RD3: variants seen among roughly 807,000 people sequenced by gnomAD.
RD3 encodes RD3 regulator of GUCY2D.
In RD3, 11 loss-of-function variants were observed where a neutral mutation model predicts 16.9. The ratio of observed to expected loss-of-function variants is 0.65; its 90% CI spans 0.41 to 1.08. The LOEUF (loss-of-function observed/expected upper bound fraction) is 1.08. Among genes scored for constraint, RD3 ranks in the 50% least tolerant of loss-of-function variants. RD3 has a pLI of 0.00. For missense variants in RD3, 274 were observed against 267.4 expected, an observed-to-expected ratio of 1.02 and a Z score of -0.17; for synonymous variants, 116 against 114.8, an observed-to-expected ratio of 1.01 and a Z score of -0.07.
intron 1 of RD3, among the ~76,000 whole-genome samples, chr1:211,487,216 A>G (rs1376598557): frequency 6.6e-6 from 1 of 152,186 alleles, no homozygotes; most frequent in Non-Finnish European, 1.5e-5. Flanking sequence ...CTCTCCCAGG[A>G]TAATGTACAA....
At chr1:211,482,040 T>A (rs1237944253) in intron 1 of RD3, among the ~76,000 whole-genome samples, 1 of 152,116 alleles carries the variant, frequency 6.6e-6, no homozygotes, top group African/African-American at 2.4e-5. Flanking sequence ...CTGACCAACA[T>A]GGAGAAACCC....
At chr1:211,489,962 T>C (rs1378879339) in intron 1 of RD3, among the ~76,000 whole-genome samples, 1 of 152,220 alleles carries the variant, frequency 6.6e-6, no homozygotes, top group African/African-American at 2.4e-5. Context: ...TCCTCTTTCC[T>C]TTCTCCTTCA....
intron 1 of RD3, among the ~76,000 whole-genome samples, chr1:211,483,339 G>A (rs1370119274): frequency 6.7e-6 from 1 of 149,620 alleles, no homozygotes; most frequent in African/African-American, 2.6e-5. Context: ...GCACATGCCT[G>A]TAGTCCCAGC....
chr1:211,483,728 G>A (rs1705322094), intron 1 of RD3, among the ~76,000 whole-genome samples: 1 of 152,300 alleles, frequency 6.6e-6, no homozygotes, highest in African/African-American at 2.4e-5. Flanking sequence ...AGAGAGCCAT[G>A]AGCATCAGGA....
chr1:211,478,047 G>A lies in RD3; in HGVS notation c.*989C>T. 2.5e-6 allele frequency: 1 copy of A among 398,652 alleles called. No homozygotes were observed. Among genetic ancestry groups the A allele is most frequent in the Non-Finnish European group, 4.4e-6 (1 of 226,088 alleles). The allele number at this position is 398,652 out of a possible 1,614,324, so 24.7% of individuals were successfully genotyped here. A position where few individuals can be genotyped will look rare whatever the true frequency, so the allele number is the denominator to read the frequency against. On this transcript the variant is annotated 3_prime_UTR_variant, in exon 3 of 3. Coordinates refer to ENST00000680073, the MANE Select transcript of RD3 (RefSeq NM_001164688.2). ...CTGCCTCAAGGTCAGTCAGGGGTTT[G>A]GGCATCACTTTCTGGAGAAAGCCAG...
At chr1:211,480,651 TACACACAC>T (rs3041254) in intron 2 of RD3, among the ~76,000 whole-genome samples, 2,036 of 149,074 alleles carry the variant, frequency 0.014, 48 homozygotes, top group African/African-American at 0.046. Flanking sequence ...GAACCCTTCC[TACACACAC>T]ACACACACAC....
At position 211,482,211 on chromosome 1, in the gene RD3, A is replaced by G. The variant is rs571772774; in HGVS notation, c.-11-785T>C. On this transcript the variant is annotated intron_variant, in intron 1 of 2. Transcript: ENST00000680073. ...CACTCCAGCCTGGGCAAAAAGAGCA[A>G]AACTCCGTTTAAAAAAAAAACTGTA... Among the ~76,000 whole-genome samples the G allele has an allele frequency of 6.9e-5, 10 of 144,516 alleles. No homozygotes were observed. In the South Asian group the frequency reaches 2.2e-3, roughly 32 times the overall value. 94.8% of individuals were successfully genotyped at this position (144,516 alleles called of 152,430 possible).
In RD3 at chr1:211,477,050, T is replaced by C. The variant is rs1317819116; in HGVS notation, c.*1986A>G. ...ACTTCTGCTTGTTCCAAAACTCTTT[T>C]ACGCCAGTTGTTCTTATTGTTATGA... On this transcript the variant is annotated 3_prime_UTR_variant, in exon 3 of 3. Transcript: ENST00000680073. The C allele has an allele frequency of 2.0e-5, 3 of 152,082 alleles. No individual in the cohort carries two copies. The highest frequency in any genetic ancestry group is 4.8e-5 in the African/African-American group (2 of 41,396). 9.4% of individuals were successfully genotyped at this position (152,082 alleles called of 1,614,324 possible). A position where few individuals can be genotyped will look rare whatever the true frequency, so the allele number is the denominator to read the frequency against.
chr1:211,478,234 C>A lies in RD3; in HGVS notation c.*802G>T. 2.5e-6 allele frequency: 1 copy of A among 398,578 alleles called. No homozygotes were observed. Among genetic ancestry groups the A allele is most frequent in the East Asian group, 3.6e-5 (1 of 28,074 alleles). 24.7% of individuals were successfully genotyped at this position (398,578 alleles called of 1,614,324 possible). On this transcript the variant is annotated 3_prime_UTR_variant, in exon 3 of 3. Coordinates refer to ENST00000680073, the MANE Select transcript of RD3 (RefSeq NM_001164688.2). Reference sequence around the variant, plus strand: ...ATTGTGGCGTGGGGTAATGAGTAACCTACCTCCACCCCTAGCTACACTTCT... The same window carrying A: ...ATTGTGGCGTGGGGTAATGAGTAACATACCTCCACCCCTAGCTACACTTCT...
rs989717139 is a variant in RD3 at position 211,476,864 on chromosome 1, T to C, written c.*2172A>G. 1 of 152,266 alleles carries C rather than the reference T, an allele frequency of 6.6e-6. No homozygotes were observed. 9.4% of individuals were successfully genotyped at this position (152,266 alleles called of 1,614,324 possible). A position where few individuals can be genotyped will look rare whatever the true frequency, so the allele number is the denominator to read the frequency against. ...AAGGAGAAAAATAGACATTCTCTTATCCAGCCTCCTTTGAATCTCCCTCCA... is the reference window on the plus strand; with the variant it reads ...AAGGAGAAAAATAGACATTCTCTTACCCAGCCTCCTTTGAATCTCCCTCCA... On this transcript the variant is annotated 3_prime_UTR_variant, in exon 3 of 3. Coordinates refer to ENST00000680073, the MANE Select transcript of RD3 (RefSeq NM_001164688.2).
At chr1:211,491,016 T>C (rs1281514924) in intron 1 of RD3, among the ~76,000 whole-genome samples, 2 of 152,236 alleles carry the variant, frequency 1.3e-5, no homozygotes, top group African/African-American at 4.8e-5. Context: ...GGTTCCTGAA[T>C]GAATGAGTGA....
chr1:211,481,182 C>T lies in RD3; in HGVS notation c.234G>A (p.Arg78=). 1 of 1,614,270 alleles carries T rather than the reference C, an allele frequency of 6.2e-7. No individual in the cohort carries two copies. Among genetic ancestry groups the T allele is most frequent in the Non-Finnish European group, 8.5e-7 (1 of 1,180,046 alleles). ...RSTYDLSPIE[R]LQLEDVCVKI... is the part of the protein sequence containing the mutation. ...TAACGCAGACATCTTCCAGCTGCAA[C>T]CGCTCAATGGGGCTGAGGTCATAGG... Residue 78 remains arginine (R), a synonymous_variant, in exon 2 of 3, where the codon CGG becomes CGA. Coordinates refer to ENST00000680073, the MANE Select transcript of RD3 (RefSeq NM_001164688.2).
intron 1 of RD3, among the ~76,000 whole-genome samples, chr1:211,482,218 G>A (rs192079054): frequency 1.5e-4 from 21 of 141,630 alleles, no homozygotes; most frequent in South Asian, 2.3e-4. Context: ...GCAAAACTCC[G>A]TTTAAAAAAA....
At chr1:211,482,074 T>C (rs1268113270) in intron 1 of RD3, among the ~76,000 whole-genome samples, 4 of 151,856 alleles carry the variant, frequency 2.6e-5, no homozygotes, top group African/African-American at 9.7e-5. Context: ...AATACAAAAT[T>C]AGCCAGATGT....
intron 1 of RD3, among the ~76,000 whole-genome samples, chr1:211,486,229 G>T (rs1247341329): frequency 6.6e-6 from 1 of 151,822 alleles, no homozygotes; most frequent in Admixed American, 6.6e-5. Context: ...AAAAGGCTGG[G>T]TGTGGTGGCT....
At position 211,480,895 on chromosome 1, in the gene RD3, A is replaced by C. The variant is rs1572141357; in HGVS notation, c.296+225T>G. Among the ~76,000 whole-genome samples the C allele has an allele frequency of 2.0e-5, 3 of 152,136 alleles. 1 individual carries two copies. The South Asian group carries it at 6.2e-4, about 32-fold the overall frequency. On this transcript the variant is annotated intron_variant, in intron 2 of 2. Transcript: ENST00000680073. Reference sequence around the variant, plus strand: ...AAGTATTGTGTTCTCTTGAATCAAAACTCACGCGCCTCCAGGAGCTGCCTC... The same window carrying C: ...AAGTATTGTGTTCTCTTGAATCAAACCTCACGCGCCTCCAGGAGCTGCCTC...
Position 211,478,416 on chromosome 1 carries a change from G to A in RD3, c.*620C>T, listed in dbSNP as rs780639083. On this transcript the variant is annotated 3_prime_UTR_variant, in exon 3 of 3. Coordinates refer to ENST00000680073, the MANE Select transcript of RD3 (RefSeq NM_001164688.2). ...ATGCAGGAACAATCTCACTGTTCAT[G>A]AGGAGCTGGCTGCAGTTAAAGGCAG... 14 of 376,894 alleles carry A rather than the reference G, an allele frequency of 3.7e-5. No individual in the cohort carries two copies. The South Asian group carries it at 1.3e-3, about 36-fold the overall frequency. 23.3% of individuals were successfully genotyped at this position (376,894 alleles called of 1,614,324 possible).
At position 211,478,822 on chromosome 1, in the gene RD3, C is replaced by T. The variant is rs1705201291; in HGVS notation, c.*214G>A. On this transcript the variant is annotated 3_prime_UTR_variant, in exon 3 of 3. Coordinates refer to ENST00000680073, the MANE Select transcript of RD3 (RefSeq NM_001164688.2). ...AGACTAGCGCAGGAGAGGGAGAGGG[C>T]GGTGCCGCTCTACGACCTAACTCAG... 2 of 575,634 alleles carry T rather than the reference C, an allele frequency of 3.5e-6. No homozygotes were observed. The highest frequency in any genetic ancestry group is 3.8e-5 in the African/African-American group (2 of 53,222). The allele number at this position is 575,634 out of a possible 1,614,324, so 35.7% of individuals were successfully genotyped here. A position where few individuals can be genotyped will look rare whatever the true frequency, so the allele number is the denominator to read the frequency against.
rs1705250289 is a variant in RD3, at chr1:211,481,222, C to G, written c.194G>C (p.Ser65Thr). The change falls in exon 2 of 3, where the codon AGC (serine) becomes ACC (threonine). Residue 65 changes from serine (S) to threonine (T), a missense_variant. Transcript: ENST00000680073. The part of the protein sequence containing the change: ...CTGVDYSWLA[S>T]TPRSTYDLSP... ...GAGGTCATAGGTGGACCGGGGTGTGCTGGCCAGCCAGCTGTAGTCCACACC... is the reference window on the plus strand; with the variant it reads ...GAGGTCATAGGTGGACCGGGGTGTGGTGGCCAGCCAGCTGTAGTCCACACC... 1 of 1,614,164 alleles carries G rather than the reference C, an allele frequency of 6.2e-7. No individual in the cohort carries two copies. Among genetic ancestry groups the G allele is most frequent in the African/African-American group, 1.3e-5 (1 of 74,954 alleles).
Sources: gnomAD v4.1 joint callset for allele counts (sites outside exome capture counted in the v4.1 genomes callset) on GRCh38, gnomAD v4.1.1 for gene constraint, MANE v1.5 for transcripts, NCBI Gene and HGNC (gene_info 2026-07-23, HGNC 2026-07-21) for gene names.